The following ATP7B variants were observed in gnomAD, a reference collection of about 807,000 sequenced individuals.
ATP7B encodes copper-transporting ATPase 2.
Under a neutral mutation model 118.9 loss-of-function variants are expected in ATP7B, and 113 were observed. The observed-to-expected ratio is 0.95, with a 90% CI of 0.82 to 1.11. The LOEUF is 1.11. Among genes scored for constraint, ATP7B ranks in the 50% most tolerant of loss-of-function variants. The probability of loss-of-function intolerance (pLI) is 0.00; values close to 1 mark genes in which losing one functional copy is unlikely to be tolerated. For synonymous variants in ATP7B, 777 were observed against 727.4 expected (o/e 1.07, Z -1.10); for missense variants, 1,867 against 1,871.4 (o/e 1.00, Z 0.04).
intron 17 of ATP7B, 112 bp from the exon 18 acceptor site, chr13:51,937,791 T>C (rs1425507681): frequency 1.6e-6 from 2 of 1,271,212 alleles, no homozygotes; most frequent in Admixed American, 1.8e-5. Flanking sequence ...CAGTCAGTGA[T>C]GTTGGTCAAC....
At chr13:52,003,043 C>G (rs1953592467) in intron 1 of ATP7B, among the ~76,000 whole-genome samples, 2 of 152,164 alleles carry the variant, frequency 1.3e-5, no homozygotes, top group African/African-American at 2.4e-5. Flanking sequence ...ATCACTAAAA[C>G]TTTCTCCATA....
rs1048423396 is a variant in ATP7B, at chr13:51,980,767, GGATAC to G, written c.52-5604_52-5600del. Among the ~76,000 whole-genome samples the G allele has an allele frequency of 2.6e-4, 40 of 152,286 alleles. 1 individual carries two copies. Among genetic ancestry groups the G allele is most frequent in the East Asian group, 1.7e-3 (9 of 5,182 alleles). Reference sequence around the variant, plus strand: ...CTTGGATTCCCATCAACCTTAAATAGGATACCAGTCAGTCCCCTGCTGCCTATCCT... The same window carrying G: ...CTTGGATTCCCATCAACCTTAAATAGCAGTCAGTCCCCTGCTGCCTATCCT... On this transcript the variant is annotated intron_variant, in intron 1 of 20. Coordinates refer to ENST00000242839, the MANE Select transcript of ATP7B (RefSeq NM_000053.4).
intron 2 of ATP7B, 46 bp downstream of exon 2, chr13:51,973,888 AG>A: frequency 6.2e-7 from 1 of 1,613,502 alleles, no homozygotes; most frequent in Non-Finnish European, 8.5e-7. Flanking sequence ...TAAGACACAA[AG>A]AGAAAAGGAG....
At chr13:51,984,041 A>T (rs1436301240) in intron 1 of ATP7B, among the ~76,000 whole-genome samples, 1 of 152,242 alleles carries the variant, frequency 6.6e-6, no homozygotes, top group South Asian at 2.1e-4. Flanking sequence ...CAGCAAGGGA[A>T]CAAAACTGGA....
chr13:51,944,204 T>C lies in ATP7B; in HGVS notation c.3148A>G (p.Thr1050Ala). The C allele has an allele frequency of 1.2e-6, 2 of 1,614,146 alleles. No individual in the cohort carries two copies. Among genetic ancestry groups the C allele is most frequent in the Non-Finnish European group, 1.7e-6 (2 of 1,180,024 alleles). ...GCCAGAACCTTCCTGAGGGGCAGTGTGGCCACATCCCCCAGCAGGAGCACC... is the reference window on the plus strand; with the variant it reads ...GCCAGAACCTTCCTGAGGGGCAGTGCGGCCACATCCCCCAGCAGGAGCACC... ...MRVLLLGDVA[T>A]LPLRKVLAVV... The change falls in exon 14 of 21, where the codon ACA becomes GCA. Residue 1050 changes from threonine to alanine, a missense_variant. Thr to Ala is a moderately conservative substitution (Grantham distance 58, BLOSUM62 0). Coordinates refer to ENST00000242839, the MANE Select transcript of ATP7B (RefSeq NM_000053.4).
rs199821556 is a variant in ATP7B at position 51,937,493 on chromosome 13, C to T, written c.3886G>A (p.Asp1296Asn). 1.5e-4 allele frequency: 248 copies of T among 1,614,046 alleles called. No homozygotes were observed. In the East Asian group the frequency reaches 2.7e-3, roughly 18 times the overall value. ...ACGCTCACTCTGATAAGGACGACGTCGGCTGCCTCGATGGCCACATCCGTG... is the reference window on the plus strand; with the variant it reads ...ACGCTCACTCTGATAAGGACGACGTTGGCTGCCTCGATGGCCACATCCGTG... ...TGTDVAIEAA[D>N]VVLIRNDLLD... is the part of the protein sequence containing the mutation. Residue 1296 changes from aspartate to asparagine, a missense_variant, in exon 18 of 21, where the codon GAC (aspartate) becomes AAC (asparagine). Coordinates refer to ENST00000242839, the MANE Select transcript of ATP7B (RefSeq NM_000053.4).
At position 51,975,288 on chromosome 13, in the gene ATP7B, G is replaced by T. The variant is rs76572969; in HGVS notation, c.52-120C>A. 41 of 1,327,692 alleles carry T rather than the reference G, an allele frequency of 3.1e-5. No homozygotes were observed. The African/African-American group carries it at 4.3e-4, about 14-fold the overall frequency. The allele number at this position is 1,327,692 out of a possible 1,614,324, so 82.2% of individuals were successfully genotyped here. A position where few individuals can be genotyped will look rare whatever the true frequency, so the allele number is the denominator to read the frequency against. ...CCACTGGTGTCAAAATATCCCAAGG[G>T]TAGAAGAACATAACATACACAGAAA... On this transcript the variant is annotated intron_variant, in intron 1 of 20. Transcript: ENST00000242839.
Position 51,974,849 on chromosome 13 carries a change from C to G in ATP7B, c.371G>C (p.Ser124Thr). Residue 124 changes from serine (S) to threonine (T), a missense_variant, in exon 2 of 21, where the codon AGC becomes ACC. Ser to Thr is a moderately conservative substitution (Grantham distance 58). Transcript: ENST00000242839. Reference sequence around the variant, plus strand: ...GGAGGCTGCCTTTCCTTCTGCAATGCTGGCCTCGAAGCCCATGTCCCCAAT... The same window carrying G: ...GGAGGCTGCCTTTCCTTCTGCAATGGTGGCCTCGAAGCCCATGTCCCCAAT... ...HQIGDMGFEA[S>T]IAEGKAASWP... The G allele has an allele frequency of 6.2e-7, 1 of 1,614,216 alleles. No individual in the cohort carries two copies. The highest frequency in any genetic ancestry group is 8.5e-7 in the Non-Finnish European group (1 of 1,180,034).
chr13:51,964,953 G>T lies in ATP7B; in HGVS notation c.1788C>A (p.Ser596=). The T allele has an allele frequency of 1.2e-6, 2 of 1,614,140 alleles. No homozygotes were observed. The highest frequency in any genetic ancestry group is 1.7e-6 in the Non-Finnish European group (2 of 1,180,004). Residue 596 remains serine (S), a synonymous_variant, in exon 5 of 21, where the codon TCC becomes TCA. Transcript: ENST00000242839. ...GGGCTTTGCTGGTGGCAAGGGCAAC[G>T]GAGGCATAAGTGATGCCATTTGTCC... ...LTRTNGITYA[S]VALATSKALV...
intron 1 of ATP7B, among the ~76,000 whole-genome samples, chr13:51,989,569 A>ATC (rs908007118): frequency 2.1e-4 from 32 of 152,224 alleles, no homozygotes; most frequent in African/African-American, 7.7e-4. Flanking sequence ...AACAAAATTA[A>ATC]CAAACCTCAC....
intron 14 of ATP7B, among the ~76,000 whole-genome samples, chr13:51,943,124 T>C (rs1027674945): frequency 1.3e-5 from 2 of 151,920 alleles, no homozygotes; most frequent in African/African-American, 2.4e-5. Context: ...TCCCAAAGGG[T>C]AGAGTTCACA....
chr13:51,953,341 G>A (rs1343853927), intron 9 of ATP7B, among the ~76,000 whole-genome samples: 1 of 151,874 alleles, frequency 6.6e-6, no homozygotes, highest in Non-Finnish European at 1.5e-5. Flanking sequence ...AAGACCCCAA[G>A]AACTAAAGGT....
intron 1 of ATP7B, among the ~76,000 whole-genome samples, chr13:52,010,761 C>T (rs1020073534): frequency 1.3e-5 from 2 of 152,094 alleles, no homozygotes; most frequent in African/African-American, 4.8e-5. Flanking sequence ...AAATATTTGC[C>T]GAATGAAGAC....
chr13:51,966,109 G>T (rs764363385), intron 4 of ATP7B, among the ~76,000 whole-genome samples: 1 of 152,152 alleles, frequency 6.6e-6, no homozygotes, highest in Non-Finnish European at 1.5e-5. Flanking sequence ...GTACTTCTCT[G>T]CTCTCCTTTT....
At chr13:51,998,068 C>G (rs1224809730) in intron 1 of ATP7B, among the ~76,000 whole-genome samples, 4 of 152,172 alleles carry the variant, frequency 2.6e-5, no homozygotes, top group African/African-American at 9.7e-5. Flanking sequence ...TGCTCCTCCC[C>G]TTCCCGGCAC....
chr13:51,939,522 G>C (rs1039124529), intron 16 of ATP7B, among the ~76,000 whole-genome samples: 1 of 152,184 alleles, frequency 6.6e-6, no homozygotes. Flanking sequence ...CTTGTAATAA[G>C]AATTCAATAC....
chr13:51,999,671 C>T (rs1233844232), intron 1 of ATP7B, among the ~76,000 whole-genome samples: 2 of 152,170 alleles, frequency 1.3e-5, no homozygotes, highest in African/African-American at 2.4e-5. Context: ...CACGGCTTTA[C>T]TCTCAGTTCC....
Position 51,958,295 on chromosome 13 carries a change from C to T in ATP7B, c.2355+16G>A, listed in dbSNP as rs771453785. On this transcript the variant is annotated intron_variant, in intron 8 of 20. Coordinates refer to ENST00000242839, the MANE Select transcript of ATP7B (RefSeq NM_000053.4). ...CTGAAGGAGCAGCTCTTTTCTGAAC[C>T]TGAAGCTGCTGTTACCTTTGCCAAG... 36 of 1,612,768 alleles carry T rather than the reference C, an allele frequency of 2.2e-5. No individual in the cohort carries two copies. The highest frequency in any genetic ancestry group is 2.5e-5 in the Non-Finnish European group (29 of 1,178,888).
intron 18 of ATP7B, 29 bp downstream of exon 18, chr13:51,937,447 A>AG (rs1957035816): frequency 3.1e-6 from 5 of 1,614,008 alleles, no homozygotes; most frequent in Non-Finnish European, 4.2e-6. Context: ...CCCTCCCAGC[A>AG]CCCACAGCCT....
Sources: gnomAD v4.1 joint callset for allele counts (sites outside exome capture counted in the v4.1 genomes callset) on GRCh38, gnomAD v4.1.1 for gene constraint, MANE v1.5 for transcripts, NCBI Gene and HGNC (gene_info 2026-07-23, HGNC 2026-07-21) for gene names.